SPEF2: variants seen among roughly 807,000 people sequenced by gnomAD.
SPEF2 encodes the protein sperm flagellar and cilia associated 2.
Under a neutral mutation model 224.6 loss-of-function variants are expected in SPEF2, and 187 were observed. The ratio of observed to expected loss-of-function variants is 0.83; its 90% CI spans 0.74 to 0.94. The LOEUF is 0.94. SPEF2 is among the 40% of genes least tolerant of loss of function. SPEF2 has a pLI of 0.00. For missense variants in SPEF2, 2,170 were observed against 2,135.6 expected (o/e 1.02, Z -0.32); for synonymous variants, 715 against 707.3 (o/e 1.01, Z -0.17).
chr5:35,751,016 T>C (rs2149718461), intron 23 of SPEF2, among the ~76,000 whole-genome samples: 1 of 103,804 alleles, frequency 9.6e-6, no homozygotes, highest in East Asian at 2.4e-4. Flanking sequence ...TATATACGTA[T>C]ATATATACGT....
chr5:35,678,167 C>T (rs931550298), intron 10 of SPEF2, among the ~76,000 whole-genome samples: 3 of 152,164 alleles, frequency 2.0e-5, no homozygotes, highest in African/African-American at 7.2e-5. Context: ...TGTTTTCGTA[C>T]CATTAGATTA....
chr5:35,649,269 A>G, intron 5 of SPEF2, 92 bp from the exon 6 acceptor site: 1 of 1,068,862 alleles, frequency 9.4e-7, no homozygotes, highest in Admixed American at 2.2e-5. Context: ...AATTAGTAGT[A>G]CTTGTCACTT....
chr5:35,766,524 A>G (rs754450985), intron 26 of SPEF2, among the ~76,000 whole-genome samples: 5 of 151,848 alleles, frequency 3.3e-5, no homozygotes, highest in Non-Finnish European at 7.4e-5. Flanking sequence ...TCTGATGTTT[A>G]TTATTTGTGC....
At chr5:35,685,256 C>G (rs28415594) in intron 10 of SPEF2, among the ~76,000 whole-genome samples, 16,878 of 152,024 alleles carry the variant, frequency 0.11, 1,696 homozygotes, top group African/African-American at 0.26. Flanking sequence ...TAAAGAAAAA[C>G]TTACTATGAG....
intron 8 of SPEF2, among the ~76,000 whole-genome samples, chr5:35,665,761 T>C (rs2149468013): frequency 6.6e-6 from 1 of 152,270 alleles, no homozygotes; most frequent in Admixed American, 6.5e-5. Flanking sequence ...AATTGTACTC[T>C]TTCTCCATAA....
intron 8 of SPEF2, among the ~76,000 whole-genome samples, chr5:35,660,171 A>AT (rs1259688976): frequency 1.3e-5 from 2 of 152,148 alleles, no homozygotes; most frequent in Admixed American, 1.3e-4. Flanking sequence ...GTAAAAAAAA[A>AT]TAGATTGATT....
intron 14 of SPEF2, 83 bp from the exon 15 acceptor site, chr5:35,697,607 C>A: frequency 1.9e-6 from 2 of 1,074,204 alleles, no homozygotes; most frequent in South Asian, 1.5e-5. Context: ...AGAGCCTGGT[C>A]ATTTAATTAA....
At chr5:35,809,409 T>C (rs904849343) in intron 36 of SPEF2, among the ~76,000 whole-genome samples, 3 of 152,000 alleles carry the variant, frequency 2.0e-5, no homozygotes. Flanking sequence ...GTGCTGGAAG[T>C]GTGGAGGGAG....
chr5:35,776,150 C>G lies in SPEF2; in HGVS notation c.4079-107C>G, dbSNP rs970964359. ...CTATTCTGGTATATTAAACGTGCAC[C>G]TAAAGCTTCACAAATTGAAGCACCA... On this transcript the variant is annotated intron_variant, in intron 28 of 36. Transcript: ENST00000356031. 20 of 1,170,170 alleles carry G rather than the reference C, an allele frequency of 1.7e-5. 1 individual carries two copies. In the South Asian group the frequency reaches 3.3e-4, roughly 19 times the overall value. The allele number at this position is 1,170,170 out of a possible 1,614,324, so 72.5% of individuals were successfully genotyped here. A position where few individuals can be genotyped will look rare whatever the true frequency, so the allele number is the denominator to read the frequency against.
At chr5:35,775,065 G>A (rs894979490) in intron 28 of SPEF2, among the ~76,000 whole-genome samples, 6 of 152,124 alleles carry the variant, frequency 3.9e-5, no homozygotes, top group African/African-American at 1.4e-4. Flanking sequence ...TCCTGTGATA[G>A]TTGCTGGAGA....
chr5:35,638,860 T>C (rs1481472743), intron 2 of SPEF2, among the ~76,000 whole-genome samples: 1 of 152,136 alleles, frequency 6.6e-6, no homozygotes, highest in Non-Finnish European at 1.5e-5. Flanking sequence ...AATGAATAAA[T>C]GAGGGATATC....
At chr5:35,643,512 G>A in intron 3 of SPEF2, 2 of 455,998 alleles carry the variant, frequency 4.4e-6, no homozygotes, top group Non-Finnish European at 4.4e-6. Context: ...TAGAGACTGG[G>A]GCCACTTATC....
Position 35,697,980 on chromosome 5 carries a change from C to G in SPEF2, c.2141+187C>G, listed in dbSNP as rs74768172. 7.1e-3 allele frequency: 3,111 copies of G among 439,118 alleles called. 90 individuals carry two copies. Among genetic ancestry groups the G allele is most frequent in the African/African-American group, 0.058 (2,842 of 48,996 alleles). The allele number at this position is 439,118 out of a possible 1,614,324, so 27.2% of individuals were successfully genotyped here. On this transcript the variant is annotated intron_variant, in intron 15 of 36. Transcript: ENST00000356031. ...TACGTGCCTATATTCCGCTTCTTCT[C>G]CCATACCAAGCTTGACTTCTTTTAC... is the stretch of plus-strand genomic sequence containing the variant.
At chr5:35,712,673 G>A in intron 19 of SPEF2, 139 bp from the exon 20 acceptor site, 1 of 739,628 alleles carries the variant, frequency 1.4e-6, no homozygotes, top group Admixed American at 2.8e-5. Flanking sequence ...TTAACTCAAA[G>A]TAAAAACCTG....
intron 33 of SPEF2, among the ~76,000 whole-genome samples, chr5:35,799,123 C>T (rs1019212609): frequency 2.6e-5 from 4 of 152,174 alleles, no homozygotes; most frequent in African/African-American, 9.7e-5. Flanking sequence ...CCTTGCTAGA[C>T]ATGCAGATCC....
intron 30 of SPEF2, among the ~76,000 whole-genome samples, chr5:35,783,771 A>G (rs752147931): frequency 1.1e-4 from 17 of 152,200 alleles, no homozygotes; most frequent in Non-Finnish European, 2.5e-4. Flanking sequence ...CTGGGTAGGT[A>G]CATCTTGTCT....
intron 2 of SPEF2, among the ~76,000 whole-genome samples, chr5:35,630,830 T>C (rs1745003596): frequency 6.6e-6 from 1 of 152,238 alleles, no homozygotes; most frequent in African/African-American, 2.4e-5. Context: ...CAAAATCACC[T>C]TTATTCCAGT....
At chr5:35,695,872 G>C (rs114523758) in intron 14 of SPEF2, 76 bp downstream of exon 14, 6 of 1,115,644 alleles carry the variant, frequency 5.4e-6, no homozygotes, top group Non-Finnish European at 7.7e-6. Flanking sequence ...GAGTGTCTTC[G>C]AATGCAATGA....
At chr5:35,652,488 T>C (rs998377301) in intron 6 of SPEF2, among the ~76,000 whole-genome samples, 5 of 152,214 alleles carry the variant, frequency 3.3e-5, no homozygotes, top group Non-Finnish European at 7.3e-5. Flanking sequence ...GAGTGCTTGG[T>C]ACCTACATAA....
Sources: allele counts gnomAD v4.1 joint callset (sites outside exome capture counted in the v4.1 genomes callset), GRCh38; gene constraint gnomAD v4.1.1; transcripts MANE v1.5; gene names NCBI Gene and HGNC (gene_info 2026-07-23, HGNC 2026-07-21).